Variants in PCDH11X observed in about 807,000 individuals in gnomAD.
PCDH11X encodes the protein protocadherin 11 X-linked, also known as protocadherin-11 X-linked.
A neutral mutation model predicts 53.3 loss-of-function variants in PCDH11X; 18 were observed. The observed-to-expected ratio is 0.34, with a 90% CI of 0.23 to 0.50. The LOEUF (loss-of-function observed/expected upper bound fraction) is 0.50, where lower values mean the gene tolerates loss of function less well. PCDH11X is among the 20% of genes least tolerant of loss of function. The pLI, the probability that PCDH11X is intolerant of heterozygous loss-of-function variation, is 0.98. For synonymous variants in PCDH11X, 279 were observed against 393.3 expected (o/e 0.71, Z 3.44); for missense variants, 570 against 1,032.4 (o/e 0.55, Z 6.14).
intron 8 of PCDH11X, among the ~76,000 whole-genome samples, chrX:92,277,875 G>C (rs1156640598): frequency 1.8e-5 from 2 of 110,986 alleles, no homozygotes; most frequent in Admixed American, 9.6e-5. Context: ...AGAAGGGGTT[G>C]GGGTACTTGC....
In PCDH11X at chrX:92,411,252, C is replaced by T. The variant is rs1246122478; in HGVS notation, c.3343+23319C>T. 2.7e-5 allele frequency among the ~76,000 whole-genome samples: 3 copies of T among 110,708 alleles called. No individual in the cohort carries two copies. In the East Asian group the frequency reaches 8.5e-4, roughly 31 times the overall value. ...CCTTAGGTTGAATAAATTGGCTAACCTATGTTATTGTACTTTTAAAATTTT... is the reference window on the plus strand; with the variant it reads ...CCTTAGGTTGAATAAATTGGCTAACTTATGTTATTGTACTTTTAAAATTTT... On this transcript the variant is annotated intron_variant, in intron 9 of 10. Transcript: ENST00000682573.
chrX:92,015,400 T>C (rs1287044871), intron 6 of PCDH11X, among the ~76,000 whole-genome samples: 1 of 112,080 alleles, frequency 8.9e-6, no homozygotes, highest in Non-Finnish European at 1.9e-5. Flanking sequence ...CTGACAAAAA[T>C]ACTCTGTAGC....
intron 7 of PCDH11X, among the ~76,000 whole-genome samples, chrX:92,217,619 C>G (rs919060988): frequency 2.0e-5 from 2 of 100,113 alleles, no homozygotes; most frequent in Non-Finnish European, 4.1e-5. Context: ...CTTTAACACC[C>G]CACTGTCAAC....
At chrX:91,891,001 G>A (rs2563419) in intron 6 of PCDH11X, among the ~76,000 whole-genome samples, 17,913 of 93,215 alleles carry the variant, frequency 0.19, 2,509 homozygotes, top group Admixed American at 0.31. Context: ...TCTGATTTTG[G>A]GTAGAGTTAG....
intron 10 of PCDH11X, among the ~76,000 whole-genome samples, chrX:92,543,859 A>ATCAAAAGCCAATCTTATTTT (rs2074800703): frequency 9.1e-6 from 1 of 109,512 alleles, no homozygotes. Flanking sequence ...AAAGGAAGTC[A>ATCAAAAGCCAATCTTATTTT]TCAAAAGCCA....
intron 1 of PCDH11X, among the ~76,000 whole-genome samples, chrX:91,795,227 A>G (rs1339678478): frequency 8.9e-6 from 1 of 111,964 alleles, no homozygotes; most frequent in Non-Finnish European, 1.9e-5. Flanking sequence ...ACTATGAGCT[A>G]TGAACAGTTA....
chrX:91,886,958 T>G (rs1314187408), intron 6 of PCDH11X, among the ~76,000 whole-genome samples: 121 of 83,038 alleles, frequency 1.5e-3, no homozygotes, highest in Admixed American at 2.0e-3. Flanking sequence ...GCGACAGAGC[T>G]AGACTCCATC....
intron 6 of PCDH11X, among the ~76,000 whole-genome samples, chrX:91,930,219 A>C (rs1942079781): frequency 9.2e-6 from 1 of 108,675 alleles, no homozygotes; most frequent in Admixed American, 1.0e-4. Context: ...AATGATAGAA[A>C]AAAATTGGTA....
intron 8 of PCDH11X, among the ~76,000 whole-genome samples, chrX:92,340,711 C>A (rs1382977490): frequency 1.8e-5 from 2 of 112,131 alleles, no homozygotes; most frequent in Non-Finnish European, 3.8e-5. Flanking sequence ...ACCATTCTTT[C>A]CCCCTAGGCC....
chrX:92,026,420 A>T (rs1305700700), intron 6 of PCDH11X, among the ~76,000 whole-genome samples: 1 of 109,980 alleles, frequency 9.1e-6, no homozygotes, highest in Non-Finnish European at 1.9e-5. Context: ...TTACAGAAAA[A>T]AAAAAGCCAA....
At chrX:92,011,694 G>A (rs12011875) in intron 6 of PCDH11X, among the ~76,000 whole-genome samples, 16,828 of 110,277 alleles carry the variant, frequency 0.15, 1,451 homozygotes, top group East Asian at 0.45. Flanking sequence ...CCACCCTGAT[G>A]CCTTGCTCTA....
chrX:91,934,708 C>G (rs1328569209), intron 6 of PCDH11X, among the ~76,000 whole-genome samples: 2 of 104,468 alleles, frequency 1.9e-5, no homozygotes, highest in African/African-American at 3.5e-5. Context: ...ATTATTTACC[C>G]AAAATGCTAC....
rs2062523338 is a variant in PCDH11X at position 92,002,256 on chromosome X, C to A, written c.3033+122983C>A. Among the ~76,000 whole-genome samples the A allele has an allele frequency of 4.6e-5, 5 of 109,056 alleles. No individual in the cohort carries two copies. In the South Asian group the frequency reaches 2.0e-3, roughly 44 times the overall value. The allele number at this position is 109,056 out of a possible 115,157, so 94.7% of individuals were successfully genotyped here. On this transcript the variant is annotated intron_variant, in intron 6 of 10. Coordinates refer to ENST00000682573, the MANE Select transcript of PCDH11X (RefSeq NM_032968.5). ...GCGTTCTCTATTCTGTTCCATTGAT[C>A]TATGTGTCTGTTTTCATGCAAGTTC...
At chrX:92,151,253 C>T (rs1344479602) in intron 6 of PCDH11X, among the ~76,000 whole-genome samples, 2 of 110,271 alleles carry the variant, frequency 1.8e-5, no homozygotes, top group Admixed American at 9.7e-5. Flanking sequence ...AGTGCAGTGG[C>T]GCCATCTCGG....
chrX:92,584,198 G>A (rs1311297514), intron 10 of PCDH11X, among the ~76,000 whole-genome samples: 1 of 110,109 alleles, frequency 9.1e-6, no homozygotes, highest in Non-Finnish European at 1.9e-5. Flanking sequence ...TAAAATTAGT[G>A]TTGTAAGATT....
intron 8 of PCDH11X, among the ~76,000 whole-genome samples, chrX:92,366,981 A>T (rs2070489245): frequency 9.1e-6 from 1 of 109,456 alleles, no homozygotes; most frequent in African/African-American, 3.3e-5. Flanking sequence ...TTGATTTAGG[A>T]TGGGGAGTTC....
At chrX:92,165,807 G>A (rs1356493171) in intron 6 of PCDH11X, among the ~76,000 whole-genome samples, 3 of 111,394 alleles carry the variant, frequency 2.7e-5, no homozygotes, top group Non-Finnish European at 5.6e-5. Context: ...TGCATTTCTA[G>A]TACTTCCTGT....
At chrX:92,170,702 ATCC>A (rs2065809172) in intron 6 of PCDH11X, among the ~76,000 whole-genome samples, 1 of 108,608 alleles carries the variant, frequency 9.2e-6, no homozygotes. Context: ...GGCTGGAACA[ATCC>A]TCCTGCTTCA....
intron 10 of PCDH11X, among the ~76,000 whole-genome samples, chrX:92,575,944 T>TACACACACACAC (rs1162998590): frequency 5.0e-5 from 1 of 19,919 alleles, no homozygotes; most frequent in Non-Finnish European, 8.2e-5. Context: ...TATATATATA[T>TACACACACACAC]ACACACACAC....
Sources: allele counts gnomAD v4.1 joint callset (sites outside exome capture counted in the v4.1 genomes callset), GRCh38; gene constraint gnomAD v4.1.1; transcripts MANE v1.5; gene names NCBI Gene and HGNC (gene_info 2026-07-23, HGNC 2026-07-21).